TMCO5A: variants seen among roughly 807,000 people sequenced by gnomAD.
TMCO5A encodes the protein transmembrane and coiled-coil domain-containing protein 5A.
A neutral mutation model predicts 42.3 loss-of-function variants in TMCO5A; 34 were observed. The observed-to-expected ratio is 0.80, with a 90% CI of 0.61 to 1.07. TMCO5A has a LOEUF of 1.07. Ranked by LOEUF, TMCO5A falls within the 50% of genes least tolerant of loss-of-function variation. The pLI is 0.00. For missense variants in TMCO5A, 357 were observed against 327.9 expected, an observed-to-expected ratio of 1.09 and a Z score of -0.69; for synonymous variants, 131 against 115.6, an observed-to-expected ratio of 1.13 and a Z score of -0.86.
chr15:37,998,603 C>G, the TMCO5A span, among the ~76,000 whole-genome samples: 1 of 152,046 alleles, frequency 6.6e-6, no homozygotes, highest in Non-Finnish European at 1.5e-5. Flanking sequence ...TACTATAGCT[C>G]TGTAGTATAA....
chr15:37,951,169 T>G lies in TMCO5A; in HGVS notation c.802T>G (p.Trp268Gly), dbSNP rs1890144872. The G allele has an allele frequency of 6.2e-7, 1 of 1,613,766 alleles. No individual in the cohort carries two copies. The highest frequency in any genetic ancestry group is 1.1e-5 in the South Asian group (1 of 91,068). The change falls in exon 12 of 12, where the codon TGG becomes GGG. Residue 268 changes from tryptophan to glycine, a missense_variant. Transcript: ENST00000319669. ...CAAGGTACTGGGCAGGAGCACCTTG[T>G]GGAAGCTCAGATGCTTCTTCTTTCC... ...LPKVLGRSTL[W>G]KLRCFFFPSL...
the TMCO5A span, among the ~76,000 whole-genome samples, chr15:37,991,844 A>G: frequency 4.6e-5 from 7 of 152,202 alleles, no homozygotes; most frequent in African/African-American, 1.7e-4. Flanking sequence ...TACACCATGT[A>G]CAAAAACCAA....
At chr15:37,943,283 T>C (rs546341177) in intron 9 of TMCO5A, 58 bp from the exon 10 acceptor site, 231 of 1,511,690 alleles carry the variant, frequency 1.5e-4, no homozygotes, top group Non-Finnish European at 2.0e-4. Context: ...AACCATAGTG[T>C]AGTATGAATA....
At chr15:37,967,639 T>C (rs370835097) in exon 12 of TMCO5A, 8 of 152,198 alleles carry the variant, frequency 5.3e-5, no homozygotes, top group African/African-American at 1.7e-4. Flanking sequence ...CAGAAATTCT[T>C]GTCACATACA....
chr15:37,971,301 C>G (rs193026550), downstream of TMCO5A, among the ~76,000 whole-genome samples: 1 of 152,184 alleles, frequency 6.6e-6, no homozygotes, highest in Non-Finnish European at 1.5e-5. Flanking sequence ...CTGAGCTGCA[C>G]CTTGGCCCCT....
At chr15:37,938,542 T>G (rs183046018) in intron 6 of TMCO5A, among the ~76,000 whole-genome samples, 55 of 152,244 alleles carry the variant, frequency 3.6e-4, no homozygotes, top group African/African-American at 1.2e-3. Flanking sequence ...GGTAATTTAA[T>G]TACTGCCTCT....
the TMCO5A span, among the ~76,000 whole-genome samples, chr15:37,987,281 G>A: frequency 6.6e-6 from 1 of 151,884 alleles, no homozygotes; most frequent in Non-Finnish European, 1.5e-5. Flanking sequence ...TCTATATTCT[G>A]TATATTAATC....
At chr15:38,031,742 T>C in the TMCO5A span, among the ~76,000 whole-genome samples, 3,331 of 152,214 alleles carry the variant, frequency 0.022, 147 homozygotes, top group African/African-American at 0.076. Context: ...CACTCCAGAA[T>C]AGCTGACTCC....
rs796310408 is a variant in TMCO5A, at chr15:37,967,201, TA to T, written c.*559del. On this transcript the variant is annotated 3_prime_UTR_variant, in exon 12 of 12. Coordinates refer to the TMCO5A transcript ENST00000559502. ...TGCTTCACCAACTCAAAGTAGCATA[TA>T]TATCACACCTCTTATTTTTCCAATT... The T allele has an allele frequency of 1.6e-4, 24 of 153,130 alleles. 1 individual carries two copies. The highest frequency in any genetic ancestry group is 5.3e-4 in the African/African-American group (22 of 41,592). 9.5% of individuals were successfully genotyped at this position (153,130 alleles called of 1,614,324 possible). A position where few individuals can be genotyped will look rare whatever the true frequency, so the allele number is the denominator to read the frequency against.
chr15:37,984,681 CTTTTTTTTTTTTTTT>C, the TMCO5A span: 1 of 41,876 alleles, frequency 2.4e-5, no homozygotes, highest in South Asian at 9.2e-4. Context: ...GAACATTTGT[CTTTTTTTTTTTTTTT>C]TTTTTTTTTT....
chr15:38,012,126 A>AAAG, the TMCO5A span, among the ~76,000 whole-genome samples: 1 of 150,496 alleles, frequency 6.6e-6, no homozygotes, highest in Non-Finnish European at 1.5e-5. Context: ...TCCGTCTCAA[A>AAAG]AAAAAAAGAA....
intron 2 of TMCO5A, 139 bp from the exon 3 acceptor site, chr15:37,936,175 T>C: frequency 1.0e-6 from 1 of 974,482 alleles, no homozygotes; most frequent in East Asian, 2.9e-5. Context: ...AGAAATGTAA[T>C]TTTTCAAGAA....
the TMCO5A span, among the ~76,000 whole-genome samples, chr15:38,037,342 T>C: frequency 1.3e-5 from 2 of 152,242 alleles, no homozygotes; most frequent in Non-Finnish European, 2.9e-5. Context: ...CTATAGAATA[T>C]TGTACAATTG....
chr15:38,038,163 A>T, the TMCO5A span, among the ~76,000 whole-genome samples: 1 of 152,172 alleles, frequency 6.6e-6, no homozygotes, highest in Non-Finnish European at 1.5e-5. Context: ...AAGTGATGAG[A>T]CCCTGTTCAT....
chr15:37,942,483 G>A (rs903363907), intron 9 of TMCO5A: 17 of 483,496 alleles, frequency 3.5e-5, no homozygotes, highest in Admixed American at 2.4e-4. Context: ...ATCTCCCTTC[G>A]TAATGTTATC....
At chr15:37,937,426 C>T (rs769167822) in intron 5 of TMCO5A, 30 bp downstream of exon 5, 29 of 1,610,968 alleles carry the variant, frequency 1.8e-5, no homozygotes, top group Non-Finnish European at 2.3e-5. Flanking sequence ...TTCTCCAGTG[C>T]CCCCACAACA....
At chr15:37,973,938 C>T in the TMCO5A span, among the ~76,000 whole-genome samples, 1 of 152,090 alleles carries the variant, frequency 6.6e-6, no homozygotes, top group African/African-American at 2.4e-5. Flanking sequence ...TATGTTCCTT[C>T]ATTGCCTAGT....
intron 5 of TMCO5A, 115 bp downstream of exon 5, chr15:37,937,511 T>A: frequency 9.4e-7 from 1 of 1,060,604 alleles, no homozygotes; most frequent in Non-Finnish European, 1.4e-6. Context: ...GGCCTGTATG[T>A]GGAGTGCATA....
At chr15:38,036,496 TCACACACACA>T in the TMCO5A span, among the ~76,000 whole-genome samples, 21 of 63,552 alleles carry the variant, frequency 3.3e-4, no homozygotes, top group South Asian at 2.0e-3. Context: ...TCTCTCTCTC[TCACACACACA>T]CACACACACA....
Sources: allele counts gnomAD v4.1 joint callset (sites outside exome capture counted in the v4.1 genomes callset), GRCh38; gene constraint gnomAD v4.1.1; transcripts MANE v1.5; gene names NCBI Gene and HGNC (gene_info 2026-07-23, HGNC 2026-07-21).